TBC1D19: variants seen among roughly 807,000 people sequenced by gnomAD.
TBC1D19 encodes TBC1 domain family, member 19.
A neutral mutation model predicts 89.0 loss-of-function variants in TBC1D19; 60 were observed. The ratio of observed to expected loss-of-function variants is 0.67; its 90% CI spans 0.55 to 0.84. TBC1D19 has a LOEUF of 0.84. Among genes scored for constraint, TBC1D19 ranks in the 40% least tolerant of loss-of-function variants. TBC1D19 has a pLI of 0.00. For missense variants in TBC1D19, 500 were observed against 610.8 expected (o/e 0.82, Z 1.91); for synonymous variants, 189 against 199.7 (o/e 0.95, Z 0.45).
At chr4:26,644,743 T>C (rs377141287) in intron 7 of TBC1D19, among the ~76,000 whole-genome samples, 233 of 152,296 alleles carry the variant, frequency 1.5e-3, no homozygotes, top group South Asian at 5.0e-3. Context: ...ACAAAATCAA[T>C]GTGCAAAAAT....
intron 13 of TBC1D19, among the ~76,000 whole-genome samples, chr4:26,714,114 G>A (rs1716392245): frequency 6.6e-6 from 1 of 152,078 alleles, no homozygotes; most frequent in Non-Finnish European, 1.5e-5. Context: ...GGAAGGCTGA[G>A]GCAGGAGGAT....
chr4:26,828,548 A>T, the TBC1D19 span, among the ~76,000 whole-genome samples: 1 of 152,232 alleles, frequency 6.6e-6, no homozygotes, highest in Non-Finnish European at 1.5e-5. Context: ...AACTTCTAAG[A>T]CACTGCTCCC....
At chr4:26,647,032 C>T (rs1445240631) in intron 7 of TBC1D19, among the ~76,000 whole-genome samples, 1 of 152,076 alleles carries the variant, frequency 6.6e-6, no homozygotes, top group Non-Finnish European at 1.5e-5. Flanking sequence ...TTATTCCATT[C>T]CCTGTTCTAG....
chr4:26,687,697 A>C (rs1288469063), intron 12 of TBC1D19, among the ~76,000 whole-genome samples: 1 of 152,182 alleles, frequency 6.6e-6, no homozygotes, highest in African/African-American at 2.4e-5. Flanking sequence ...CTACGTATAC[A>C]AAAAACATTT....
At chr4:26,823,587 G>A in the TBC1D19 span, among the ~76,000 whole-genome samples, 1 of 152,166 alleles carries the variant, frequency 6.6e-6, no homozygotes, top group Non-Finnish European at 1.5e-5. Context: ...GGGCCTTTGT[G>A]TGGAATCTGG....
intron 4 of TBC1D19, among the ~76,000 whole-genome samples, chr4:26,629,552 T>C (rs1742659789): frequency 6.6e-6 from 1 of 152,024 alleles, no homozygotes; most frequent in African/African-American, 2.4e-5. Flanking sequence ...AGAACATTCC[T>C]AGAAAATATT....
chr4:26,688,594 A>G (rs1714015757), intron 13 of TBC1D19, among the ~76,000 whole-genome samples, 187 bp downstream of exon 13: 1 of 152,048 alleles, frequency 6.6e-6, no homozygotes, highest in Non-Finnish European at 1.5e-5. Context: ...GGAGAATAAG[A>G]GTTCCCAATT....
intron 1 of TBC1D19, chr4:26,585,165 T>C: frequency 2.2e-6 from 1 of 448,146 alleles, no homozygotes; most frequent in South Asian, 1.6e-5. Context: ...TACCTAGGAT[T>C]GGAATTGCTG....
intron 4 of TBC1D19, among the ~76,000 whole-genome samples, chr4:26,624,162 CACTTG>C (rs1438561818): frequency 3.9e-4 from 59 of 152,136 alleles, no homozygotes; most frequent in African/African-American, 1.4e-3. Context: ...GCATCATTAA[CACTTG>C]TTTTCCTGTC....
At chr4:26,816,871 G>A in the TBC1D19 span, among the ~76,000 whole-genome samples, 315 of 152,284 alleles carry the variant, frequency 2.1e-3, 1 homozygote, top group Non-Finnish European at 3.6e-3. Context: ...TAGTATAAAA[G>A]TGGTGCCTGC....
At chr4:26,818,818 A>G in the TBC1D19 span, among the ~76,000 whole-genome samples, 1 of 152,192 alleles carries the variant, frequency 6.6e-6, no homozygotes, top group Admixed American at 6.5e-5. Context: ...AACCAAGTCA[A>G]TTGGTCACCT....
chr4:26,587,429 T>C (rs1739482948), intron 1 of TBC1D19, among the ~76,000 whole-genome samples: 1 of 151,918 alleles, frequency 6.6e-6, no homozygotes, highest in African/African-American at 2.4e-5. Flanking sequence ...AATACAAAAA[T>C]TAGCCAGTGT....
At chr4:26,583,911 T>C (rs1341662850), upstream of TBC1D19, 5 of 426,812 alleles carry the variant, frequency 1.2e-5, no homozygotes, top group African/African-American at 2.0e-5. Context: ...ATGAGCTTTC[T>C]TGCCTTTCAA....
chr4:26,669,453 G>T (rs1317753143), intron 9 of TBC1D19, among the ~76,000 whole-genome samples: 1 of 151,708 alleles, frequency 6.6e-6, no homozygotes, highest in African/African-American at 2.4e-5. Flanking sequence ...ATTAATATAG[G>T]TGCATCTGTT....
the TBC1D19 span, among the ~76,000 whole-genome samples, chr4:26,856,597 T>C: frequency 6.6e-6 from 1 of 152,222 alleles, no homozygotes. Context: ...CCACTAACAG[T>C]ATACCAGGGT....
chr4:26,789,705 A>G, the TBC1D19 span, among the ~76,000 whole-genome samples: 2 of 152,214 alleles, frequency 1.3e-5, no homozygotes, highest in Non-Finnish European at 2.9e-5. Context: ...ACTACTGGGT[A>G]TCTACCCAAG....
At chr4:26,579,941 G>GA (rs1359262512), upstream of TBC1D19, among the ~76,000 whole-genome samples, 3 of 152,184 alleles carry the variant, frequency 2.0e-5, no homozygotes, top group African/African-American at 7.2e-5. Context: ...GGAAAAGATG[G>GA]AAAGAGCTTA....
At chr4:26,767,114 G>A in the TBC1D19 span, among the ~76,000 whole-genome samples, 2 of 152,214 alleles carry the variant, frequency 1.3e-5, no homozygotes, top group East Asian at 1.9e-4. Flanking sequence ...AGGCTGTAAT[G>A]AGTCATGATC....
chr4:26,732,715 C>G (rs548999452), intron 15 of TBC1D19, among the ~76,000 whole-genome samples: 3 of 152,264 alleles, frequency 2.0e-5, no homozygotes, highest in African/African-American at 7.2e-5. Context: ...AAAAGCCATT[C>G]TTAGCTCACA....
Sources: gnomAD v4.1 joint callset for allele counts (sites outside exome capture counted in the v4.1 genomes callset) on GRCh38, gnomAD v4.1.1 for gene constraint, MANE v1.5 for transcripts, NCBI Gene and HGNC (gene_info 2026-07-23, HGNC 2026-07-21) for gene names.